The following MSI2 variants were observed in gnomAD, a reference collection of about 807,000 sequenced individuals.
MSI2 encodes musashi RNA binding protein 2.
In MSI2, 17 loss-of-function variants were observed where a neutral mutation model predicts 45.6. The observed-to-expected ratio is 0.37, with a 90% CI of 0.26 to 0.56. The LOEUF (loss-of-function observed/expected upper bound fraction) is 0.56. Among genes scored for constraint, MSI2 ranks in the 20% least tolerant of loss-of-function variants. MSI2 has a pLI of 0.77. For synonymous variants in MSI2, 156 were observed against 158.2 expected (o/e 0.99, Z 0.11); for missense variants, 293 against 444.2 (o/e 0.66, Z 3.06).
intron 6 of MSI2, among the ~76,000 whole-genome samples, chr17:57,507,178 G>A (rs1018391820): frequency 2.0e-5 from 3 of 147,956 alleles, no homozygotes; most frequent in Admixed American, 6.7e-5. Context: ...TGTGTGTTGG[G>A]GGGGGGGGGT....
chr17:57,557,693 C>T lies in MSI2; in HGVS notation c.454+27969C>T, dbSNP rs373707658. Among the ~76,000 whole-genome samples, 17 of 152,200 alleles carry T rather than the reference C, an allele frequency of 1.1e-4. 2 individuals carry two copies. Among genetic ancestry groups the T allele is most frequent in the Admixed American group, 9.2e-4 (14 of 15,282 alleles). On this transcript the variant is annotated intron_variant, in intron 7 of 13. Transcript: ENST00000284073. ...CGTGGAAGTCTGGCAGGTGTACATT[C>T]GCTCCCCAGTGGGAATGGGGAGCAG...
intron 6 of MSI2, among the ~76,000 whole-genome samples, chr17:57,462,193 T>G (rs79516808): frequency 0.097 from 14,737 of 152,262 alleles, 1,018 homozygotes; most frequent in African/African-American, 0.2. Context: ...CTCCCTGTGC[T>G]CATGCCTGGG....
chr17:57,463,003 C>T (rs115545256), intron 6 of MSI2, among the ~76,000 whole-genome samples: 193 of 152,354 alleles, frequency 1.3e-3, no homozygotes, highest in African/African-American at 4.5e-3. Context: ...CCATGGGGCC[C>T]CTTCCACCAC....
At chr17:57,540,584 C>T (rs1261727163) in intron 7 of MSI2, among the ~76,000 whole-genome samples, 3 of 152,178 alleles carry the variant, frequency 2.0e-5, no homozygotes, top group Non-Finnish European at 4.4e-5. Flanking sequence ...GTGGAGTGAA[C>T]TGATCTCACC....
intron 7 of MSI2, among the ~76,000 whole-genome samples, chr17:57,540,112 T>G (rs1329916350): frequency 6.6e-6 from 1 of 152,224 alleles, no homozygotes; most frequent in Non-Finnish European, 1.5e-5. Flanking sequence ...GACAAGTTAC[T>G]AAATCTCTCT....
chr17:57,605,633 G>A (rs767790686), intron 8 of MSI2, among the ~76,000 whole-genome samples: 3 of 152,208 alleles, frequency 2.0e-5, no homozygotes, highest in Admixed American at 6.5e-5. Flanking sequence ...GTCTGCGCCC[G>A]TATGCAGCTG....
chr17:57,627,100 C>T lies in MSI2; in HGVS notation c.653-129C>T, dbSNP rs1426944503. The T allele has an allele frequency of 3.4e-6, 3 of 872,948 alleles. No individual in the cohort carries two copies. Among genetic ancestry groups the T allele is most frequent in the Non-Finnish European group, 5.7e-6 (3 of 529,778 alleles). The allele number at this position is 872,948 out of a possible 1,614,324, so 54.1% of individuals were successfully genotyped here. ...CCCAGACCCTTAATAAAAAAACCCT[C>T]ATGAGAGACAAATTATTCTGTGAAG... On this transcript the variant is annotated intron_variant, in intron 9 of 13. Transcript: ENST00000284073. The surrounding 1 kb of genome is among the most constrained non-coding windows in gnomAD (Gnocchi z 4.6).
At chr17:57,492,419 C>G (rs765416080) in intron 6 of MSI2, among the ~76,000 whole-genome samples, 1 of 152,208 alleles carries the variant, frequency 6.6e-6, no homozygotes, top group Admixed American at 6.5e-5. Context: ...CAGATCAATA[C>G]TGAGGGTTCT....
chr17:57,418,334 G>A (rs1045272939), intron 6 of MSI2, among the ~76,000 whole-genome samples: 5 of 152,238 alleles, frequency 3.3e-5, no homozygotes, highest in Non-Finnish European at 5.9e-5. Context: ...GCATGGCTAT[G>A]CTCATTTGAA....
intron 10 of MSI2, among the ~76,000 whole-genome samples, chr17:57,637,577 G>A (rs528976213): frequency 3.3e-4 from 50 of 152,338 alleles, no homozygotes; most frequent in African/African-American, 7.9e-4. Flanking sequence ...CCAGAGCCCC[G>A]TGTCCTCAGG....
intron 6 of MSI2, among the ~76,000 whole-genome samples, chr17:57,446,314 G>A (rs959683771): frequency 7.2e-5 from 11 of 152,158 alleles, no homozygotes; most frequent in Admixed American, 4.6e-4. Context: ...GGGAGCTGGC[G>A]ACAGTGAGCA....
chr17:57,487,740 T>C (rs1567853372), intron 6 of MSI2, among the ~76,000 whole-genome samples: 1 of 151,562 alleles, frequency 6.6e-6, no homozygotes, highest in Non-Finnish European at 1.5e-5. Context: ...ACTTCCTCTC[T>C]CTTGTCTCTT....
At chr17:57,430,482 G>A (rs557773855) in intron 6 of MSI2, among the ~76,000 whole-genome samples, 1 of 152,308 alleles carries the variant, frequency 6.6e-6, no homozygotes, top group South Asian at 2.1e-4. Context: ...CTGGCAAATG[G>A]GGGCTCAGGA....
In MSI2 at chr17:57,256,622, C is replaced by CG. The variant is rs1232653318; in HGVS notation, c.-114dup. ...GCAGAGAGATTCGGAGGAGCCCGGG[C>CG]GGGGGGGAGGAGGAGGGGGAGGAGG... On this transcript the variant is annotated 5_prime_UTR_variant, in exon 1 of 14. Transcript: ENST00000284073. 20 of 307,910 alleles carry CG rather than the reference C, an allele frequency of 6.5e-5. No homozygotes were observed. The highest frequency in any genetic ancestry group is 6.9e-4 in the Middle Eastern group (1 of 1,458). 19.1% of individuals were successfully genotyped at this position (307,910 alleles called of 1,614,324 possible).
Position 57,529,738 on chromosome 17 carries a change from A to G in MSI2, c.454+14A>G. 6.2e-7 allele frequency: 1 copy of G among 1,609,290 alleles called. No homozygotes were observed. ...ACAGGCACAGAGGTAAGATTACCCCAGTGTAAGAGGGTTGCGTTCACCCTC... is the reference window on the plus strand; with the variant it reads ...ACAGGCACAGAGGTAAGATTACCCCGGTGTAAGAGGGTTGCGTTCACCCTC... On this transcript the variant is annotated intron_variant, in intron 7 of 13. Coordinates refer to ENST00000284073, the MANE Select transcript of MSI2 (RefSeq NM_138962.4). The surrounding 1 kb of genome is among the most constrained non-coding windows in gnomAD (Gnocchi z 5.3).
At chr17:57,258,424 A>C in intron 4 of MSI2, 70 bp downstream of exon 4, 1 of 1,231,302 alleles carries the variant, frequency 8.1e-7, no homozygotes. Flanking sequence ...GCCCCATTTA[A>C]AGGGACAGTG....
intron 7 of MSI2, among the ~76,000 whole-genome samples, chr17:57,538,197 C>CT (rs997865618): frequency 3.3e-5 from 5 of 152,124 alleles, no homozygotes; most frequent in African/African-American, 1.2e-4. Flanking sequence ...AAAGCACCCC[C>CT]TTTCTTAGCA....
intron 5 of MSI2, among the ~76,000 whole-genome samples, chr17:57,277,048 CTTTTCT>C (rs945451292): frequency 7.5e-6 from 1 of 132,762 alleles, no homozygotes. Flanking sequence ...GGTTGGTTTT[CTTTTCT>C]TTTTTTTTTT....
chr17:57,567,065 C>T (rs947119168), intron 7 of MSI2, among the ~76,000 whole-genome samples: 4 of 152,134 alleles, frequency 2.6e-5, no homozygotes, highest in East Asian at 1.9e-4. Context: ...GACAAATGCT[C>T]GTTCTTATTA....
Sources: allele counts gnomAD v4.1 joint callset (sites outside exome capture counted in the v4.1 genomes callset), GRCh38; gene constraint gnomAD v4.1.1; non-coding constraint Gnocchi (gnomAD v3.1); transcripts MANE v1.5; gene names NCBI Gene and HGNC (gene_info 2026-07-23, HGNC 2026-07-21).